The following TXNL4A variants were observed in gnomAD, a reference collection of about 807,000 sequenced individuals.
TXNL4A encodes thioredoxin like 4A.
Under a neutral mutation model 14.6 loss-of-function variants are expected in TXNL4A, and 17 were observed. The ratio of observed to expected loss-of-function variants is 1.16; its 90% CI spans 0.80 to 1.74. The LOEUF is 1.74. Among genes scored for constraint, TXNL4A ranks in the 40% most tolerant of loss-of-function variants. The pLI is 0.00. For missense variants in TXNL4A, 74 were observed against 195.2 expected (o/e 0.38, Z 3.70); for synonymous variants, 83 against 70.6 (o/e 1.18, Z -0.88).
At position 80,011,185 on chromosome 18, in the gene TXNL4A, G is replaced by A. The variant is rs2051767641; in HGVS notation, c.-61+22666C>T. 1.3e-5 allele frequency among the ~76,000 whole-genome samples: 2 copies of A among 152,154 alleles called. No individual in the cohort carries two copies. Among genetic ancestry groups the A allele is most frequent in the South Asian group, 4.1e-4 (2 of 4,830 alleles). ...CAAACACTAATATAAAACATATAAG[G>A]AAAAGAGGTTTTCGTAGGGGAGCTA... is the stretch of plus-strand genomic sequence containing the variant. On this transcript the variant is annotated intron_variant, in intron 1 of 2. Transcript: ENST00000585474. This position sits in a 1 kb window ranked among gnomAD's most constrained non-coding sequence, Gnocchi z 4.1.
intron 1 of TXNL4A, among the ~76,000 whole-genome samples, chr18:80,033,004 C>G (rs548018807): frequency 4.3e-5 from 3 of 69,264 alleles, no homozygotes; most frequent in African/African-American, 1.3e-4. Flanking sequence ...TGTGAAAACT[C>G]TGCTTCTCAA....
Position 80,022,221 on chromosome 18 carries a change from T to C in TXNL4A, c.-61+11630A>G, listed in dbSNP as rs199654859. Reference sequence around the variant, plus strand: ...GGGCAACAGTGAAGTTGGGAATTTCTTGAGGGGCACTACCAGAGGAGCTAA... The same window carrying C: ...GGGCAACAGTGAAGTTGGGAATTTCCTGAGGGGCACTACCAGAGGAGCTAA... On this transcript the variant is annotated intron_variant, in intron 1 of 2. Coordinates refer to the TXNL4A transcript ENST00000585474. Among the ~76,000 whole-genome samples, 23 of 152,290 alleles carry C rather than the reference T, an allele frequency of 1.5e-4. No homozygotes were observed. The East Asian group carries it at 4.2e-3, about 28-fold the overall frequency.
intron 2 of TXNL4A, chr18:79,976,651 G>A (rs1004019651): frequency 5.1e-6 from 2 of 390,042 alleles, no homozygotes; most frequent in Non-Finnish European, 1.0e-5. Flanking sequence ...TGCTCAATGC[G>A]TGCTAATTTG....
intron 1 of TXNL4A, among the ~76,000 whole-genome samples, chr18:79,983,099 C>G (rs1843634146): frequency 6.6e-6 from 1 of 152,152 alleles, no homozygotes; most frequent in Admixed American, 6.5e-5. Flanking sequence ...TTCCCAGCCT[C>G]AAGAGATCCT....
At chr18:80,024,550 T>C (rs968894552) in intron 1 of TXNL4A, among the ~76,000 whole-genome samples, 1 of 152,178 alleles carries the variant, frequency 6.6e-6, no homozygotes, top group African/African-American at 2.4e-5. Context: ...CTCTAGCTCA[T>C]GACTGTGGAA....
intron 1 of TXNL4A, among the ~76,000 whole-genome samples, chr18:80,002,832 C>T (rs773248867): frequency 2.6e-5 from 4 of 152,230 alleles, no homozygotes; most frequent in African/African-American, 2.4e-5. Flanking sequence ...TTCCACTTCA[C>T]GGACTCGGCC....
chr18:80,021,907 G>C (rs892803443), intron 1 of TXNL4A, among the ~76,000 whole-genome samples: 2 of 152,064 alleles, frequency 1.3e-5, no homozygotes, highest in African/African-American at 2.4e-5. Context: ...CCACACCTCT[G>C]GGTTAACATT....
At chr18:79,992,810 T>C (rs1436745387), upstream of TXNL4A, among the ~76,000 whole-genome samples, 3 of 151,526 alleles carry the variant, frequency 2.0e-5, no homozygotes, top group Non-Finnish European at 2.9e-5. Flanking sequence ...CCTTTTGTTA[T>C]GTTTTGTCTA....
chr18:79,973,405 C>T lies in TXNL4A; in HGVS notation c.*280G>A, dbSNP rs1212861087. 8.6e-6 allele frequency: 3 copies of T among 350,462 alleles called. No individual in the cohort carries two copies. Among genetic ancestry groups the T allele is most frequent in the Non-Finnish European group, 1.5e-5 (3 of 196,156 alleles). The allele number at this position is 350,462 out of a possible 1,614,324, so 21.7% of individuals were successfully genotyped here. The stretch of plus-strand genomic sequence containing the variant: ...CAACCCAGTATGCAAAACGCACAGG[C>T]TCACAGGATAAACACCTTCGTTTTA... On this transcript the variant is annotated 3_prime_UTR_variant, in exon 3 of 3. Transcript: ENST00000269601.
chr18:79,989,255 C>G (rs1599733574), upstream of TXNL4A, among the ~76,000 whole-genome samples: 2 of 152,174 alleles, frequency 1.3e-5, no homozygotes, highest in Non-Finnish European at 2.9e-5. Context: ...GCTGGGACTA[C>G]AAGGCGCCAG....
At chr18:79,995,394 T>C (rs2145098528) in intron 1 of TXNL4A, 1 of 152,344 alleles carries the variant, frequency 6.6e-6, no homozygotes, top group African/African-American at 2.4e-5. Context: ...ATTCCTTCAG[T>C]GTCCCGGAGG....
rs572292607 is a variant in TXNL4A at position 79,999,084 on chromosome 18, C to T, written c.-60-21383G>A. Reference sequence around the variant, plus strand: ...AGTGGCTGAGTTGACTGCCCTGACCCGAGCTTGTCAATTGGCAAAATACAA... The same window carrying T: ...AGTGGCTGAGTTGACTGCCCTGACCTGAGCTTGTCAATTGGCAAAATACAA... On this transcript the variant is annotated intron_variant, in intron 1 of 2. Transcript: ENST00000585474. Among the ~76,000 whole-genome samples, 13 of 152,212 alleles carry T rather than the reference C, an allele frequency of 8.5e-5. No homozygotes were observed. In the South Asian group the frequency reaches 2.5e-3, roughly 29 times the overall value.
intron 1 of TXNL4A, among the ~76,000 whole-genome samples, chr18:80,017,499 T>G (rs9748259): frequency 0.28 from 43,205 of 151,634 alleles, 6,549 homozygotes; most frequent in Non-Finnish European, 0.35. Flanking sequence ...GGCTGTGGGT[T>G]TGTCATAGAT....
intron 1 of TXNL4A, among the ~76,000 whole-genome samples, chr18:80,019,729 G>A (rs2145123856): frequency 6.6e-6 from 1 of 152,248 alleles, no homozygotes; most frequent in East Asian, 1.9e-4. Context: ...CATACTTTTG[G>A]AATATTTAAA....
chr18:80,020,031 G>A (rs900241372), intron 1 of TXNL4A, among the ~76,000 whole-genome samples: 3 of 152,170 alleles, frequency 2.0e-5, no homozygotes, highest in Non-Finnish European at 4.4e-5. Context: ...GAGGAACCCG[G>A]TGAAAGGTGA....
chr18:79,974,391 T>G (rs776391936), intron 2 of TXNL4A, among the ~76,000 whole-genome samples: 2 of 152,238 alleles, frequency 1.3e-5, no homozygotes, highest in Non-Finnish European at 2.9e-5. Context: ...AGTAGATAAT[T>G]CTTTACTTAT....
At chr18:80,021,296 C>T (rs2051847336) in intron 1 of TXNL4A, among the ~76,000 whole-genome samples, 4 of 152,100 alleles carry the variant, frequency 2.6e-5, no homozygotes, top group Admixed American at 2.6e-4. Context: ...CCTGCCTCAG[C>T]CTCCCGAGTA....
chr18:80,001,076 C>G (rs929982900), intron 1 of TXNL4A, among the ~76,000 whole-genome samples: 5 of 152,218 alleles, frequency 3.3e-5, no homozygotes, highest in Non-Finnish European at 5.9e-5. Flanking sequence ...GCCCAGGGCC[C>G]CCCTGCTGTG....
chr18:80,001,421 T>C (rs571960066), intron 1 of TXNL4A, among the ~76,000 whole-genome samples: 1 of 152,142 alleles, frequency 6.6e-6, no homozygotes, highest in South Asian at 2.1e-4. Flanking sequence ...CACTGCCTAG[T>C]GGAGTTGTGA....
Sources: allele counts gnomAD v4.1 joint callset (sites outside exome capture counted in the v4.1 genomes callset), GRCh38; gene constraint gnomAD v4.1.1; non-coding constraint Gnocchi (gnomAD v3.1); transcripts MANE v1.5; gene names NCBI Gene and HGNC (gene_info 2026-07-23, HGNC 2026-07-21).